Variants in PLEKHD1 observed in about 807,000 individuals in gnomAD.
PLEKHD1 encodes the protein pleckstrin homology and coiled-coil domain containing D1, also known as pleckstrin homology domain-containing family D member 1.
A neutral mutation model predicts 69.2 loss-of-function variants in PLEKHD1; 51 were observed. The observed-to-expected ratio is 0.74, with a 90% CI of 0.59 to 0.93. The LOEUF (loss-of-function observed/expected upper bound fraction) is 0.93, where lower values mean the gene tolerates loss of function less well. PLEKHD1 is among the 40% of genes least tolerant of loss of function. The pLI is 0.00. For missense variants in PLEKHD1, 584 were observed against 641.0 expected, an observed-to-expected ratio of 0.91 and a Z score of 0.96; for synonymous variants, 236 against 244.7, an observed-to-expected ratio of 0.96 and a Z score of 0.33.
rs1883777498 is a variant in PLEKHD1 at position 69,530,984 on chromosome 14, T to C, written c.*2565T>C. On this transcript the variant is annotated 3_prime_UTR_variant, in exon 13 of 13. Transcript: ENST00000322564. ...TAAAAATACAAAAATTAGCTGGGCG[T>C]GGTGGTGGGTGCCTATAGTCCCAGC... 1 of 152,048 alleles carries C rather than the reference T, an allele frequency of 6.6e-6. No individual in the cohort carries two copies. Among genetic ancestry groups the C allele is most frequent in the African/African-American group, 2.4e-5 (1 of 41,382 alleles). 9.4% of individuals were successfully genotyped at this position (152,048 alleles called of 1,614,324 possible).
intron 5 of PLEKHD1, chr14:69,502,585 A>C: frequency 1.9e-6 from 1 of 536,094 alleles, no homozygotes; most frequent in Non-Finnish European, 3.4e-6. Flanking sequence ...GACTGCTTTG[A>C]ACTTCCAAGG....
At position 69,526,778 on chromosome 14, in the gene PLEKHD1, C is replaced by A; in HGVS notation, c.1005C>A (p.Asn335Lys). 6.4e-7 allele frequency: 1 copy of A among 1,550,604 alleles called. No individual in the cohort carries two copies. The highest frequency in any genetic ancestry group is 8.7e-7 in the Non-Finnish European group (1 of 1,146,572). ...FYSSQSQALQNSLQELTAEKQ... is the reference protein window; with the variant it reads ...FYSSQSQALQKSLQELTAEKQ... ...CCAGCCAGTCCCAGGCACTGCAGAA[C>A]TCGCTGCAGGAGCTGACGGCAGAGA... Residue 335 changes from asparagine (N) to lysine (K), a missense_variant, in exon 10 of 13, where the codon AAC (asparagine) becomes AAA (lysine). Transcript: ENST00000322564.
At chr14:69,519,945 C>T (rs939633415) in intron 6 of PLEKHD1, among the ~76,000 whole-genome samples, 1 of 151,712 alleles carries the variant, frequency 6.6e-6, no homozygotes, top group East Asian at 2.0e-4. Flanking sequence ...GTGGATCACC[C>T]GAGGTCAGGA....
At chr14:69,470,190 C>T in the PLEKHD1 span, among the ~76,000 whole-genome samples, 1 of 151,888 alleles carries the variant, frequency 6.6e-6, no homozygotes, top group African/African-American at 2.4e-5. Flanking sequence ...TGGCCGGGCA[C>T]AGTGGCTCAT....
chr14:69,472,113 C>T, the PLEKHD1 span, among the ~76,000 whole-genome samples: 8 of 152,112 alleles, frequency 5.3e-5, no homozygotes, highest in African/African-American at 1.4e-4. Context: ...ACAACAATCA[C>T]CACACACAGC....
intron 1 of PLEKHD1, among the ~76,000 whole-genome samples, chr14:69,491,832 C>T (rs1306477645): frequency 6.6e-6 from 1 of 152,190 alleles, no homozygotes; most frequent in Non-Finnish European, 1.5e-5. Context: ...TTGGATGGCA[C>T]CTGTGCCACT....
chr14:69,517,592 A>G (rs964093230), intron 6 of PLEKHD1, among the ~76,000 whole-genome samples: 2 of 152,052 alleles, frequency 1.3e-5, no homozygotes, highest in Admixed American at 6.6e-5. Context: ...ATTGCATACA[A>G]ACTGCTTGCA....
intron 1 of PLEKHD1, among the ~76,000 whole-genome samples, chr14:69,490,918 GT>G (rs1486848865): frequency 6.6e-6 from 1 of 152,212 alleles, no homozygotes; most frequent in Non-Finnish European, 1.5e-5. Flanking sequence ...TATTCTGGAA[GT>G]TTGTGCCCGG....
At chr14:69,476,490 A>T in the PLEKHD1 span, among the ~76,000 whole-genome samples, 137 of 152,184 alleles carry the variant, frequency 9.0e-4, no homozygotes, top group East Asian at 1.4e-3. Context: ...GCTTGAGCTC[A>T]GGAGTTCCAG....
At chr14:69,501,637 A>G in intron 4 of PLEKHD1, 97 bp from the exon 5 acceptor site, 1 of 947,764 alleles carries the variant, frequency 1.1e-6, no homozygotes, top group Non-Finnish European at 1.6e-6. Flanking sequence ...GGGCGAGTAC[A>G]AAACGTATGC....
rs1421154689 is a variant in PLEKHD1, at chr14:69,524,287, A to G, written c.709A>G (p.Arg237Gly). 1 of 1,551,504 alleles carries G rather than the reference A, an allele frequency of 6.4e-7. No individual in the cohort carries two copies. Among genetic ancestry groups the G allele is most frequent in the Non-Finnish European group, 8.7e-7 (1 of 1,146,958 alleles). The change falls in exon 8 of 13, where the codon AGG (arginine) becomes GGG (glycine). Residue 237 changes from arginine (R) to glycine (G), a missense_variant. Arg to Gly is a moderately radical substitution (Grantham distance 125). Coordinates refer to ENST00000322564, the MANE Select transcript of PLEKHD1 (RefSeq NM_001161498.2). ...KGVEQEKKEL[R>G]HLTESLQQTL... is the part of the protein sequence containing the mutation. ...TGTAGAACAAGAGAAAAAGGAACTG[A>G]GGCACCTCACGGAGTCCTTGCAGCA...
In PLEKHD1 at chr14:69,522,510, A is replaced by T. The variant is rs1883540627; in HGVS notation, c.650+133A>T. ...AAGGCTCCAGGCTTGGGTCTATCCC[A>T]GTTTGAGTCTGTCCTCCAAGGCTCC... On this transcript the variant is annotated intron_variant, in intron 7 of 12. Transcript: ENST00000322564. The T allele has an allele frequency of 6.5e-6, 6 of 924,424 alleles. No homozygotes were observed. The East Asian group carries it at 1.7e-4, about 26-fold the overall frequency. The allele number at this position is 924,424 out of a possible 1,614,324, so 57.3% of individuals were successfully genotyped here.
At chr14:69,498,622 T>TCTTCTCTTCTCTTCC (rs1882947900) in intron 1 of PLEKHD1, among the ~76,000 whole-genome samples, 1 of 147,824 alleles carries the variant, frequency 6.8e-6, no homozygotes, top group African/African-American at 2.5e-5. Context: ...TCTTCTCTTC[T>TCTTCTCTTCTCTTCC]CTTCTCTTCT....
intron 6 of PLEKHD1, among the ~76,000 whole-genome samples, chr14:69,507,377 G>T (rs1303286359): frequency 6.6e-6 from 1 of 152,014 alleles, no homozygotes; most frequent in East Asian, 1.9e-4. Context: ...TACCTTATCC[G>T]CATGTCCTAC....
At chr14:69,487,524 A>T (rs1882681275) in intron 1 of PLEKHD1, among the ~76,000 whole-genome samples, 1 of 152,196 alleles carries the variant, frequency 6.6e-6, no homozygotes, top group South Asian at 2.1e-4. Flanking sequence ...AATAAGCTGG[A>T]GAGAACTGGC....
At chr14:69,512,382 A>T (rs1165121398) in intron 6 of PLEKHD1, among the ~76,000 whole-genome samples, 1 of 150,776 alleles carries the variant, frequency 6.6e-6, no homozygotes, top group Non-Finnish European at 1.5e-5. Context: ...CCTGTTTTCA[A>T]TTTCATTGAT....
chr14:69,470,161 G>A, the PLEKHD1 span, among the ~76,000 whole-genome samples: 6 of 151,924 alleles, frequency 3.9e-5, no homozygotes, highest in Non-Finnish European at 5.9e-5. Flanking sequence ...ACTAAGACAG[G>A]CTTTAAGAAA....
intron 1 of PLEKHD1, among the ~76,000 whole-genome samples, chr14:69,494,551 A>T (rs1255479348): frequency 6.6e-6 from 1 of 152,252 alleles, no homozygotes; most frequent in Non-Finnish European, 1.5e-5. Context: ...TAAAATGCCC[A>T]ACCGTCCACA....
intron 1 of PLEKHD1, among the ~76,000 whole-genome samples, chr14:69,489,423 G>T (rs1356957796): frequency 6.6e-6 from 1 of 151,974 alleles, no homozygotes; most frequent in African/African-American, 2.4e-5. Flanking sequence ...GCCAGGCATG[G>T]TGGTGGGTGC....
Sources: allele counts gnomAD v4.1 joint callset (sites outside exome capture counted in the v4.1 genomes callset), GRCh38; gene constraint gnomAD v4.1.1; transcripts MANE v1.5; gene names NCBI Gene and HGNC (gene_info 2026-07-23, HGNC 2026-07-21).